FAM117B: variants seen among roughly 807,000 people sequenced by gnomAD.
The protein encoded by FAM117B is family with sequence similarity 117 member B.
FAM117B carries 22 observed loss-of-function variants against 52.8 expected under a neutral mutation model. The observed-to-expected ratio is 0.42, with a 90% confidence interval of 0.30 to 0.59. The LOEUF (loss-of-function observed/expected upper bound fraction) is 0.59, where lower values mean the gene tolerates loss of function less well. Ranked by LOEUF, FAM117B falls within the 20% of genes least tolerant of loss-of-function variation. The probability of loss-of-function intolerance (pLI) is 0.22; values close to 1 mark genes in which losing one functional copy is unlikely to be tolerated. For missense variants in FAM117B, 678 were observed against 802.6 expected, an observed-to-expected ratio of 0.84 and a Z score of 1.88; for synonymous variants, 309 against 324.1, an observed-to-expected ratio of 0.95 and a Z score of 0.50.
At chr2:202,689,655 C>A (rs1426301720) in intron 1 of FAM117B, among the ~76,000 whole-genome samples, 2 of 152,066 alleles carry the variant, frequency 1.3e-5, no homozygotes, top group Non-Finnish European at 2.9e-5. Flanking sequence ...CAGTGACTCA[C>A]GCCTGTAATC....
chr2:202,732,885 A>G (rs1691379094), intron 4 of FAM117B, among the ~76,000 whole-genome samples: 1 of 151,536 alleles, frequency 6.6e-6, no homozygotes, highest in South Asian at 2.1e-4. Flanking sequence ...AAAAAAAAAA[A>G]AAGACACAAA....
chr2:202,737,319 G>T lies in FAM117B; in HGVS notation c.960+10956G>T, dbSNP rs548744625. Among the ~76,000 whole-genome samples the T allele has an allele frequency of 3.3e-5, 5 of 152,082 alleles. No individual in the cohort carries two copies. In the South Asian group the frequency reaches 6.2e-4, roughly 19 times the overall value. ...TTTTTCAATTATTGTATAATAAAAT[G>T]GACATTTTTGATTGTACAATTTATT... On this transcript the variant is annotated intron_variant, in intron 4 of 7. Coordinates refer to ENST00000392238, the MANE Select transcript of FAM117B (RefSeq NM_173511.4).
chr2:202,750,402 A>ACTCGGGAGGCTGAGGTGGGAGGATCGC (rs1691704612), intron 4 of FAM117B, among the ~76,000 whole-genome samples: 1 of 151,972 alleles, frequency 6.6e-6, no homozygotes, highest in Non-Finnish European at 1.5e-5. Flanking sequence ...AATCCCAGCT[A>ACTCGGGAGGCTGAGGTGGGAGGATCGC]CTCGGGAGGC....
chr2:202,756,275 T>G (rs548197331), intron 5 of FAM117B, among the ~76,000 whole-genome samples: 458 of 151,740 alleles, frequency 3.0e-3, no homozygotes, highest in Non-Finnish European at 5.3e-3. Flanking sequence ...AAAAATAAGC[T>G]GGGCATGGTG....
intron 4 of FAM117B, among the ~76,000 whole-genome samples, chr2:202,754,888 CAAA>C (rs149747057): frequency 1.5e-4 from 13 of 85,694 alleles, no homozygotes; most frequent in Admixed American, 3.2e-4. Context: ...AGATTCGTCT[CAAA>C]AAAAAAAAAA....
At chr2:202,702,528 T>C (rs1690809619) in intron 2 of FAM117B, among the ~76,000 whole-genome samples, 1 of 152,184 alleles carries the variant, frequency 6.6e-6, no homozygotes. Flanking sequence ...GTCAAAAAGA[T>C]TGTGACTTAT....
chr2:202,737,509 G>T (rs922100027), intron 4 of FAM117B, among the ~76,000 whole-genome samples: 1 of 152,054 alleles, frequency 6.6e-6, no homozygotes, highest in African/African-American at 2.4e-5. Flanking sequence ...ACATATAAAT[G>T]GAATCATACA....
rs562547098 is a variant in FAM117B, at chr2:202,756,047, G to A, written c.1104+366G>A. ...TTGAATACCTTCTAAGCATGAATCT[G>A]TCTGCTCCTTTTTTGAATGTCAGTG... is the stretch of plus-strand genomic sequence containing the variant. On this transcript the variant is annotated intron_variant, in intron 5 of 7. Coordinates refer to ENST00000392238, the MANE Select transcript of FAM117B (RefSeq NM_173511.4). 4.1e-3 allele frequency among the ~76,000 whole-genome samples: 623 copies of A among 152,310 alleles called. 4 individuals carry two copies. Among genetic ancestry groups the A allele is most frequent in the South Asian group, 4.8e-3 (23 of 4,828 alleles).
intron 1 of FAM117B, among the ~76,000 whole-genome samples, chr2:202,668,522 T>A (rs1227880503): frequency 8.7e-6 from 1 of 114,336 alleles, no homozygotes; most frequent in Non-Finnish European, 1.7e-5. Flanking sequence ...AGCGAGACTC[T>A]CTCTCAAAAA....
intron 2 of FAM117B, among the ~76,000 whole-genome samples, chr2:202,708,441 A>G (rs1690909941): frequency 1.3e-5 from 2 of 152,016 alleles, no homozygotes; most frequent in Admixed American, 6.6e-5. Context: ...ATTCCATTGT[A>G]TGTATATACC....
chr2:202,755,054 G>C (rs1691781770), intron 4 of FAM117B, among the ~76,000 whole-genome samples: 1 of 151,890 alleles, frequency 6.6e-6, no homozygotes, highest in African/African-American at 2.4e-5. Context: ...GCAGGAGCAA[G>C]AGAGAGAAGT....
chr2:202,713,963 T>TC (rs1417770863), intron 2 of FAM117B, among the ~76,000 whole-genome samples: 2 of 152,234 alleles, frequency 1.3e-5, no homozygotes, highest in Non-Finnish European at 2.9e-5. Flanking sequence ...TGCCTTGGCC[T>TC]CCCCAAGTGC....
chr2:202,702,152 G>A (rs985387835), intron 2 of FAM117B, among the ~76,000 whole-genome samples: 20 of 152,148 alleles, frequency 1.3e-4, no homozygotes, highest in African/African-American at 4.6e-4. Flanking sequence ...CAGTACTTTG[G>A]GAGGACGAGG....
At chr2:202,646,113 G>C (rs903066675) in intron 1 of FAM117B, among the ~76,000 whole-genome samples, 1 of 150,564 alleles carries the variant, frequency 6.6e-6, no homozygotes, top group African/African-American at 2.4e-5. Context: ...TTCAGCCTTC[G>C]CCTCCCGGGT....
In FAM117B at chr2:202,640,342, ATG is replaced by A. The variant is rs1553517964; in HGVS notation, c.601+4555_601+4556del. 5.6e-4 allele frequency among the ~76,000 whole-genome samples: 64 copies of A among 114,848 alleles called. 1 individual carries two copies. The highest frequency in any genetic ancestry group is 1.9e-3 in the African/African-American group (58 of 30,678). The allele number at this position is 114,848 out of a possible 152,430, so 75.3% of individuals were successfully genotyped here. A position where few individuals can be genotyped will look rare whatever the true frequency, so the allele number is the denominator to read the frequency against. Reference sequence around the variant, plus strand: ...TATATATATATATATATATATATATATGGCAAGTCGTGTTCTTGCTAGTTTCC... The same window carrying A: ...TATATATATATATATATATATATATAGCAAGTCGTGTTCTTGCTAGTTTCC... On this transcript the variant is annotated intron_variant, in intron 1 of 7. Coordinates refer to ENST00000392238, the MANE Select transcript of FAM117B (RefSeq NM_173511.4).
At chr2:202,701,649 GGAA>G (rs1484912649) in intron 2 of FAM117B, among the ~76,000 whole-genome samples, 2 of 152,156 alleles carry the variant, frequency 1.3e-5, no homozygotes, top group Non-Finnish European at 2.9e-5. Flanking sequence ...TCAGGAGTTT[GGAA>G]GAAGGTGATT....
intron 1 of FAM117B, 108 bp downstream of exon 1, chr2:202,635,896 C>G (rs1689678053): frequency 9.7e-7 from 1 of 1,033,876 alleles, no homozygotes; most frequent in Non-Finnish European, 1.2e-6. Context: ...GCCCGGGTGG[C>G]TGGGGGCGGG....
At chr2:202,744,870 G>A (rs1012987070) in intron 4 of FAM117B, among the ~76,000 whole-genome samples, 1 of 150,188 alleles carries the variant, frequency 6.7e-6, no homozygotes, top group Non-Finnish European at 1.5e-5. Flanking sequence ...CCAGCTACTC[G>A]GGAGTCTGAG....
At chr2:202,675,771 G>T (rs1180047609) in intron 1 of FAM117B, among the ~76,000 whole-genome samples, 1 of 151,968 alleles carries the variant, frequency 6.6e-6, no homozygotes, top group Non-Finnish European at 1.5e-5. Flanking sequence ...GATCACTTGA[G>T]GTCAGGAGTT....
Sources: gnomAD v4.1 joint callset for allele counts (sites outside exome capture counted in the v4.1 genomes callset) on GRCh38, gnomAD v4.1.1 for gene constraint, MANE v1.5 for transcripts, NCBI Gene and HGNC (gene_info 2026-07-23, HGNC 2026-07-21) for gene names.